Variants in OIT3 observed in about 807,000 individuals in gnomAD.
OIT3 encodes oncoprotein-induced transcript 3 protein.
Under a neutral mutation model 52.2 loss-of-function variants are expected in OIT3, and 41 were observed. The observed-to-expected ratio is 0.79, with a 90% CI of 0.61 to 1.02. The LOEUF (loss-of-function observed/expected upper bound fraction) is 1.02. Among genes scored for constraint, OIT3 ranks in the 50% least tolerant of loss-of-function variants. The probability of loss-of-function intolerance (pLI) is 0.00; values close to 1 mark genes in which losing one functional copy is unlikely to be tolerated. For missense variants in OIT3, 634 were observed against 715.5 expected (o/e 0.89, Z 1.30); for synonymous variants, 244 against 276.9 (o/e 0.88, Z 1.18).
At chr10:72,899,152 C>A in intron 2 of OIT3, 114 bp downstream of exon 2, 2 of 902,186 alleles carry the variant, frequency 2.2e-6, no homozygotes, top group Non-Finnish European at 1.7e-6. Flanking sequence ...ATCTGAACAA[C>A]ATTGATGTGG....
At chr10:72,922,756 A>G (rs1461131936) in intron 6 of OIT3, among the ~76,000 whole-genome samples, 2 of 152,002 alleles carry the variant, frequency 1.3e-5, no homozygotes, top group African/African-American at 4.8e-5. Flanking sequence ...TGGAGGAGAG[A>G]GGGCACTCTA....
At position 72,900,430 on chromosome 10, in the gene OIT3, G is replaced by A. The variant is rs140044157; in HGVS notation, c.490G>A (p.Glu164Lys). ...CCATGGCAGCTGCTCAGATACCAGC[G>A]AGTGCACATGCGCTCCAGGAACTGT... is the stretch of plus-strand genomic sequence containing the variant. The part of the protein sequence containing the change: ...DCHGSCSDTS[E>K]CTCAPGTVLG... The change falls in exon 3 of 9, where the codon GAG becomes AAG. Residue 164 changes from glutamate (E) to lysine (K), a missense_variant. Physicochemically the swap from Glu to Lys is moderately conservative, Grantham distance 56. Transcript: ENST00000334011. The A allele has an allele frequency of 9.9e-5, 159 of 1,612,818 alleles. No individual in the cohort carries two copies. The highest frequency in any genetic ancestry group is 1.3e-4 in the Non-Finnish European group (157 of 1,178,974).
chr10:72,894,889 A>AAAAAAT (rs938502304), intron 1 of OIT3, among the ~76,000 whole-genome samples: 2 of 152,128 alleles, frequency 1.3e-5, no homozygotes, highest in African/African-American at 2.4e-5. Flanking sequence ...CTCCATCTCA[A>AAAAAAT]AAAAATAAAA....
At chr10:72,912,623 T>C (rs537786065) in intron 5 of OIT3, among the ~76,000 whole-genome samples, 24 of 152,146 alleles carry the variant, frequency 1.6e-4, no homozygotes, top group Non-Finnish European at 3.1e-4. Context: ...CTAACAAATA[T>C]GTAATGGGCA....
At chr10:72,900,891 A>G (rs895383679) in intron 3 of OIT3, among the ~76,000 whole-genome samples, 2 of 152,198 alleles carry the variant, frequency 1.3e-5, no homozygotes, top group South Asian at 4.1e-4. Flanking sequence ...AACAAAGAAA[A>G]AACTCATCTC....
At chr10:72,911,553 G>T (rs751301763) in intron 4 of OIT3, among the ~76,000 whole-genome samples, 164 bp from the exon 5 acceptor site, 1 of 152,132 alleles carries the variant, frequency 6.6e-6, no homozygotes, top group Non-Finnish European at 1.5e-5. Context: ...TTGTAGCTAT[G>T]ATATTTCATA....
rs1171660640 is a variant in OIT3, at chr10:72,906,737, G to T, written c.667+19G>T. On this transcript the variant is annotated intron_variant, in intron 4 of 8. Coordinates refer to ENST00000334011, the MANE Select transcript of OIT3 (RefSeq NM_152635.3). ...TGTGAAGGTGAGAATGGGCAAAAAG[G>T]GACCCAAATCAAGAGCCCAGAGGAA... 7 of 1,538,074 alleles carry T rather than the reference G, an allele frequency of 4.6e-6. No homozygotes were observed. Among genetic ancestry groups the T allele is most frequent in the Admixed American group, 2.0e-5 (1 of 49,396 alleles).
At chr10:72,927,258 G>A (rs533104549) in intron 7 of OIT3, among the ~76,000 whole-genome samples, 1 of 152,192 alleles carries the variant, frequency 6.6e-6, no homozygotes, top group South Asian at 2.1e-4. Context: ...TCGTGCCTCA[G>A]CCTCCCAAGT....
At chr10:72,919,816 T>C (rs1846106540) in intron 6 of OIT3, among the ~76,000 whole-genome samples, 1 of 152,176 alleles carries the variant, frequency 6.6e-6, no homozygotes, top group African/African-American at 2.4e-5. Context: ...TCGTGGTGAA[T>C]AAGATTTTTG....
intron 6 of OIT3, among the ~76,000 whole-genome samples, chr10:72,914,582 G>A (rs1283581250): frequency 6.6e-6 from 1 of 152,168 alleles, no homozygotes; most frequent in Non-Finnish European, 1.5e-5. Context: ...ATGGTAGGTT[G>A]GTACTATTGT....
At chr10:72,898,638 C>A in intron 1 of OIT3, 26 bp from the exon 2 acceptor site, 1 of 1,582,462 alleles carries the variant, frequency 6.3e-7, no homozygotes, top group Non-Finnish European at 8.6e-7. Context: ...ACTCCAGGTA[C>A]TCTGAGGTAT....
chr10:72,926,273 C>T (rs1220335181), intron 7 of OIT3, among the ~76,000 whole-genome samples: 2 of 152,228 alleles, frequency 1.3e-5, no homozygotes, highest in African/African-American at 2.4e-5. Context: ...CCAGCCTTCA[C>T]CTGCTGCTAT....
chr10:72,899,024 A>T lies in OIT3; in HGVS notation c.422A>T (p.His141Leu), dbSNP rs1845903074. 1 of 1,608,218 alleles carries T rather than the reference A, an allele frequency of 6.2e-7. No homozygotes were observed. Among genetic ancestry groups the T allele is most frequent in the Non-Finnish European group, 8.5e-7 (1 of 1,175,678 alleles). Residue 141 changes from histidine to leucine, a missense_variant, in exon 2 of 9, where the codon CAC becomes CTC. Transcript: ENST00000334011. ...CTGACCAAGCCCAGCGTCTGCTTCC[A>T]CGTCTACTGTGGTCGTGAGTACCTT... Reference protein sequence around the residue: ...YRLTKPSVCFHVYCGHFYDIC... With the variant: ...YRLTKPSVCFLVYCGHFYDIC...
At chr10:72,902,770 A>G (rs567840788) in intron 3 of OIT3, among the ~76,000 whole-genome samples, 7 of 152,168 alleles carry the variant, frequency 4.6e-5, no homozygotes, top group Non-Finnish European at 1.0e-4. Flanking sequence ...CTTACTACCA[A>G]GAGAACAGTG....
intron 3 of OIT3, among the ~76,000 whole-genome samples, chr10:72,904,830 A>T (rs1281426205): frequency 6.6e-6 from 1 of 151,994 alleles, no homozygotes; most frequent in Non-Finnish European, 1.5e-5. Context: ...ATCTTTGTTT[A>T]GTGTTGCTAT....
intron 7 of OIT3, among the ~76,000 whole-genome samples, chr10:72,928,796 C>T (rs994569874): frequency 6.6e-6 from 1 of 152,102 alleles, no homozygotes; most frequent in African/African-American, 2.4e-5. Context: ...ATGTTTAGAT[C>T]CCCTTCAGTT....
chr10:72,906,651 C>G lies in OIT3; in HGVS notation c.600C>G (p.Leu200=). ...NGGCSEICVN[L]KNSYRCECGV... is the part of the protein sequence containing the mutation. Reference sequence around the variant, plus strand: ...GCTGCAGTGAGATCTGTGTGAACCTCAAAAACTCCTACCGCTGTGAGTGTG... The same window carrying G: ...GCTGCAGTGAGATCTGTGTGAACCTGAAAAACTCCTACCGCTGTGAGTGTG... The change falls in exon 4 of 9, where the codon CTC becomes CTG. Residue 200 remains leucine (L), a synonymous_variant. Transcript: ENST00000334011. 6.2e-7 allele frequency: 1 copy of G among 1,612,972 alleles called. No homozygotes were observed.
intron 7 of OIT3, among the ~76,000 whole-genome samples, chr10:72,926,985 G>A (rs1005545728): frequency 2.0e-5 from 3 of 152,018 alleles, no homozygotes; most frequent in Non-Finnish European, 4.4e-5. Context: ...CTCACTGTAA[G>A]TTTTCCCCTG....
chr10:72,909,935 C>T (rs1197481419), intron 4 of OIT3, among the ~76,000 whole-genome samples: 4 of 152,100 alleles, frequency 2.6e-5, no homozygotes, highest in Admixed American at 6.6e-5. Flanking sequence ...TGTGAGCTAC[C>T]GCGCCTGACC....
Sources: allele counts gnomAD v4.1 joint callset (sites outside exome capture counted in the v4.1 genomes callset), GRCh38; gene constraint gnomAD v4.1.1; transcripts MANE v1.5; gene names NCBI Gene and HGNC (gene_info 2026-07-23, HGNC 2026-07-21).